PCCA: variants seen among roughly 807,000 people sequenced by gnomAD.
The protein encoded by PCCA is propionyl-CoA carboxylase subunit alpha, also known as propionyl-CoA carboxylase alpha chain, mitochondrial.
A neutral mutation model predicts 101.3 loss-of-function variants in PCCA; 74 were observed. That is an observed-to-expected ratio of 0.73 (90% confidence interval 0.61 to 0.89). The LOEUF (loss-of-function observed/expected upper bound fraction) is 0.89. PCCA is among the 40% of genes least tolerant of loss of function. The pLI is 0.00. For synonymous variants in PCCA, 294 were observed against 313.6 expected, an observed-to-expected ratio of 0.94 and a Z score of 0.66; for missense variants, 891 against 907.0, an observed-to-expected ratio of 0.98 and a Z score of 0.23.
chr13:100,377,541 C>T (rs1257700260), intron 19 of PCCA, among the ~76,000 whole-genome samples: 1 of 152,110 alleles, frequency 6.6e-6, no homozygotes, highest in African/African-American at 2.4e-5. Context: ...GTCACCCAGG[C>T]TGGAGTGCAG....
chr13:100,286,122 G>A (rs1284173279), intron 12 of PCCA, among the ~76,000 whole-genome samples: 1 of 152,180 alleles, frequency 6.6e-6, no homozygotes, highest in African/African-American at 2.4e-5. Flanking sequence ...CTGCCTCATG[G>A]GGAAGTGGGG....
chr13:100,519,937 C>T (rs1413632271), intron 22 of PCCA, among the ~76,000 whole-genome samples: 3 of 152,210 alleles, frequency 2.0e-5, no homozygotes, highest in Non-Finnish European at 4.4e-5. Flanking sequence ...TTCTGGATAC[C>T]TTGATTTACA....
At chr13:100,474,663 A>AT (rs1422971912) in intron 21 of PCCA, among the ~76,000 whole-genome samples, 4 of 151,886 alleles carry the variant, frequency 2.6e-5, no homozygotes, top group African/African-American at 7.3e-5. Context: ...TTTTTTAGGT[A>AT]TTTTTTGTAG....
intron 10 of PCCA, among the ~76,000 whole-genome samples, chr13:100,268,236 A>G (rs890450239): frequency 1.3e-5 from 2 of 152,200 alleles, no homozygotes; most frequent in Non-Finnish European, 2.9e-5. Flanking sequence ...ACATCCATAG[A>G]TAGATAACAG....
At chr13:100,470,798 G>A (rs2082950595) in intron 21 of PCCA, among the ~76,000 whole-genome samples, 1 of 152,188 alleles carries the variant, frequency 6.6e-6, no homozygotes. Context: ...GGCGGAGGTT[G>A]CAGTGAGCCA....
At chr13:100,422,102 C>CTTTCTTCCTTTCT (rs2078837186) in intron 19 of PCCA, among the ~76,000 whole-genome samples, 3 of 120,142 alleles carry the variant, frequency 2.5e-5, no homozygotes, top group South Asian at 2.6e-4. Context: ...TTCTTTCTTT[C>CTTTCTTCCTTTCT]TTTCTTTCTT....
chr13:100,296,469 C>T (rs564726866), intron 12 of PCCA, among the ~76,000 whole-genome samples: 2 of 151,232 alleles, frequency 1.3e-5, no homozygotes, highest in South Asian at 2.1e-4. Context: ...CCAGTCTGCT[C>T]TCAAACTCCT....
intron 21 of PCCA, chr13:100,490,786 G>A (rs950879296): frequency 6.6e-6 from 1 of 152,230 alleles, no homozygotes; most frequent in Non-Finnish European, 1.5e-5. Flanking sequence ...ATTACCTAAT[G>A]GACTCTTCAA....
intron 21 of PCCA, among the ~76,000 whole-genome samples, chr13:100,470,379 A>C (rs1385541310): frequency 1.3e-5 from 2 of 152,270 alleles, no homozygotes; most frequent in East Asian, 3.9e-4. Flanking sequence ...GGCACCTCTC[A>C]TCACAGTCAT....
chr13:100,165,530 T>G (rs2152403861), intron 6 of PCCA, among the ~76,000 whole-genome samples: 1 of 152,308 alleles, frequency 6.6e-6, no homozygotes, highest in East Asian at 1.9e-4. Flanking sequence ...AATGAAAAAT[T>G]TAAGAAATAC....
intron 21 of PCCA, among the ~76,000 whole-genome samples, chr13:100,450,720 GA>G (rs2081162583): frequency 6.6e-6 from 1 of 152,198 alleles, no homozygotes; most frequent in Non-Finnish European, 1.5e-5. Flanking sequence ...ATCGATTATA[GA>G]GATGTATATA....
At chr13:100,281,716 G>C (rs1388588220) in intron 12 of PCCA, among the ~76,000 whole-genome samples, 2 of 151,976 alleles carry the variant, frequency 1.3e-5, no homozygotes, top group East Asian at 3.9e-4. Flanking sequence ...ACTAATTTGG[G>C]AGTATTCCAT....
chr13:100,509,334 C>T (rs2086306859), intron 21 of PCCA, among the ~76,000 whole-genome samples: 1 of 152,262 alleles, frequency 6.6e-6, no homozygotes, highest in South Asian at 2.1e-4. Flanking sequence ...CTAATCTGCG[C>T]CTCAGTGTTG....
chr13:100,261,754 T>TA (rs949084353), intron 9 of PCCA, among the ~76,000 whole-genome samples: 2 of 152,360 alleles, frequency 1.3e-5, no homozygotes, highest in South Asian at 4.1e-4. Flanking sequence ...ATTTTTATTT[T>TA]AAAAAACTAT....
chr13:100,530,152 G>C lies in PCCA; in HGVS notation c.2173G>C (p.Val725Leu). The C allele has an allele frequency of 6.2e-7, 1 of 1,613,690 alleles. No homozygotes were observed. The highest frequency in any genetic ancestry group is 8.5e-7 in the Non-Finnish European group (1 of 1,179,604). Residue 725 changes from valine (V) to leucine (L), a missense_variant, in exon 24 of 24, where the codon GTG (valine) becomes CTG (leucine). Coordinates refer to ENST00000376285, the MANE Select transcript of PCCA (RefSeq NM_000282.4). ...GDTVGEGDLL[V>L]ELE ...CACAGTTGGAGAAGGGGATCTGCTC[G>C]TGGAGCTGGAATGAAGGATTTATAA...
chr13:100,300,705 C>A (rs1468332989), intron 12 of PCCA, among the ~76,000 whole-genome samples: 1 of 152,178 alleles, frequency 6.6e-6, no homozygotes, highest in Non-Finnish European at 1.5e-5. Flanking sequence ...AAGTGATCGA[C>A]CAAGTTTATG....
At chr13:100,132,961 A>C (rs1256395950) in intron 4 of PCCA, among the ~76,000 whole-genome samples, 2 of 152,014 alleles carry the variant, frequency 1.3e-5, no homozygotes, top group Non-Finnish European at 2.9e-5. Flanking sequence ...TTGTATTTTT[A>C]CTAGAGACGG....
At chr13:100,529,839 C>T (rs1255960322) in intron 23 of PCCA, among the ~76,000 whole-genome samples, 3 of 152,078 alleles carry the variant, frequency 2.0e-5, no homozygotes, top group Non-Finnish European at 2.9e-5. Flanking sequence ...GGAGAGTAGC[C>T]CTCAGGCCAG....
chr13:100,302,782 A>G lies in PCCA; in HGVS notation c.1210-142A>G, dbSNP rs1028070682. 27 of 695,734 alleles carry G rather than the reference A, an allele frequency of 3.9e-5. No homozygotes were observed. The East Asian group carries it at 7.0e-4, about 18-fold the overall frequency. The allele number at this position is 695,734 out of a possible 1,614,324, so 43.1% of individuals were successfully genotyped here. Reference sequence around the variant, plus strand: ...TCTAAGTTGTCTAGCGTAAAAGACAATAATATTCTGAAATCTGTGATTTGG... The same window carrying G: ...TCTAAGTTGTCTAGCGTAAAAGACAGTAATATTCTGAAATCTGTGATTTGG... On this transcript the variant is annotated intron_variant, in intron 13 of 23. Transcript: ENST00000376285.
Sources: gnomAD v4.1 joint callset for allele counts (sites outside exome capture counted in the v4.1 genomes callset) on GRCh38, gnomAD v4.1.1 for gene constraint, MANE v1.5 for transcripts, NCBI Gene and HGNC (gene_info 2026-07-23, HGNC 2026-07-21) for gene names.